The following NEGR1 variants were observed in gnomAD, a reference collection of about 807,000 sequenced individuals.
NEGR1 encodes IgLON family member 4.
NEGR1 carries 10 observed loss-of-function variants against 40.9 expected under a neutral mutation model. The ratio of observed to expected loss-of-function variants is 0.24; its 90% CI spans 0.15 to 0.42. NEGR1 has a LOEUF of 0.42. Ranked by LOEUF, NEGR1 falls within the 10% of genes least tolerant of loss-of-function variation. The pLI is 1.00. For missense variants in NEGR1, 352 were observed against 438.9 expected, an observed-to-expected ratio of 0.80 and a Z score of 1.77; for synonymous variants, 185 against 166.8, an observed-to-expected ratio of 1.11 and a Z score of -0.84.
At chr1:72,252,548 TTGA>T (rs1451955366) in intron 1 of NEGR1, among the ~76,000 whole-genome samples, 2 of 152,206 alleles carry the variant, frequency 1.3e-5, no homozygotes, top group African/African-American at 4.8e-5. Flanking sequence ...AACACAGTTG[TTGA>T]TATCTCTTCC....
At chr1:71,436,067 C>A (rs978427157) in intron 6 of NEGR1, among the ~76,000 whole-genome samples, 1 of 152,088 alleles carries the variant, frequency 6.6e-6, no homozygotes, top group Non-Finnish European at 1.5e-5. Flanking sequence ...AAGGATTTCA[C>A]CACTGAAGAT....
At chr1:71,438,280 T>A (rs1283940174) in intron 6 of NEGR1, among the ~76,000 whole-genome samples, 1 of 152,240 alleles carries the variant, frequency 6.6e-6, no homozygotes, top group East Asian at 1.9e-4. Flanking sequence ...AATTAATGGA[T>A]CTTATGTTTC....
chr1:71,679,257 T>A (rs1652748016), intron 4 of NEGR1, among the ~76,000 whole-genome samples: 1 of 152,116 alleles, frequency 6.6e-6, no homozygotes. Context: ...TAGAATCAGT[T>A]TTTAAAGTTC....
chr1:71,479,204 G>A (rs1646839561), intron 6 of NEGR1, among the ~76,000 whole-genome samples: 1 of 151,760 alleles, frequency 6.6e-6, no homozygotes, highest in South Asian at 2.1e-4. Flanking sequence ...TTATCCCAAG[G>A]GCTGATTAGC....
intron 2 of NEGR1, among the ~76,000 whole-genome samples, chr1:71,884,696 C>A (rs1054532662): frequency 2.0e-5 from 3 of 152,058 alleles, no homozygotes; most frequent in Admixed American, 2.0e-4. Context: ...TTTCATGAAT[C>A]AAGTACATGA....
At position 71,628,573 on chromosome 1, in the gene NEGR1, C is replaced by T. The variant is rs571192280; in HGVS notation, c.668-17427G>A. Among the ~76,000 whole-genome samples, 177 of 151,856 alleles carry T rather than the reference C, an allele frequency of 1.2e-3. 1 individual carries two copies. Among genetic ancestry groups the T allele is most frequent in the Middle Eastern group, 3.4e-3 (1 of 294 alleles). ...ATGCTATCCCTCCCCTAGCACCCCACCCCCTGACAGGCCCCGTCGTGTGAT... is the reference window on the plus strand; with the variant it reads ...ATGCTATCCCTCCCCTAGCACCCCATCCCCTGACAGGCCCCGTCGTGTGAT... On this transcript the variant is annotated intron_variant, in intron 4 of 6. Coordinates refer to ENST00000357731, the MANE Select transcript of NEGR1 (RefSeq NM_173808.3).
At chr1:71,996,623 C>G (rs1042353517) in intron 1 of NEGR1, among the ~76,000 whole-genome samples, 3 of 152,102 alleles carry the variant, frequency 2.0e-5, no homozygotes, top group Admixed American at 6.6e-5. Context: ...AAGGCTACTT[C>G]CTCAACATAT....
chr1:71,978,105 T>A (rs1445522593), intron 1 of NEGR1, among the ~76,000 whole-genome samples: 1 of 152,200 alleles, frequency 6.6e-6, no homozygotes, highest in Non-Finnish European at 1.5e-5. Flanking sequence ...GAGTCTTTTT[T>A]TTGTGAGCCC....
chr1:72,043,512 A>C (rs566036805), intron 1 of NEGR1, among the ~76,000 whole-genome samples: 2 of 151,892 alleles, frequency 1.3e-5, no homozygotes, highest in African/African-American at 2.4e-5. Flanking sequence ...TTTTAAAATG[A>C]CTTTAGAATG....
At chr1:72,261,780 CAT>C (rs1246805847) in intron 1 of NEGR1, among the ~76,000 whole-genome samples, 4 of 152,006 alleles carry the variant, frequency 2.6e-5, no homozygotes, top group Admixed American at 6.6e-5. Flanking sequence ...TTAAATACCA[CAT>C]GTTCTCACTT....
At chr1:71,711,509 G>T (rs1385321573) in intron 3 of NEGR1, among the ~76,000 whole-genome samples, 1 of 148,602 alleles carries the variant, frequency 6.7e-6, no homozygotes, top group Non-Finnish European at 1.5e-5. Context: ...GATTAGTGCT[G>T]TTAGGAAGCA....
At chr1:71,504,411 G>A (rs1647019122) in intron 6 of NEGR1, among the ~76,000 whole-genome samples, 1 of 152,052 alleles carries the variant, frequency 6.6e-6, no homozygotes, top group Non-Finnish European at 1.5e-5. Flanking sequence ...ACAAAGGAAT[G>A]ACAGATTTCA....
At chr1:71,570,954 G>A (rs1648791611) in intron 6 of NEGR1, 1 of 151,982 alleles carries the variant, frequency 6.6e-6, no homozygotes, top group South Asian at 2.1e-4. Context: ...TTGATACCAG[G>A]TATGTGAGCT....
At chr1:71,786,675 T>C (rs1157569319) in intron 2 of NEGR1, among the ~76,000 whole-genome samples, 2 of 152,100 alleles carry the variant, frequency 1.3e-5, no homozygotes, top group East Asian at 1.9e-4. Context: ...TCTGCTTTTG[T>C]GATAGTTGGT....
At chr1:71,899,685 C>T (rs954940993) in intron 2 of NEGR1, among the ~76,000 whole-genome samples, 2 of 152,070 alleles carry the variant, frequency 1.3e-5, no homozygotes, top group Non-Finnish European at 2.9e-5. Context: ...ATTACATTTG[C>T]AATTTCTTTA....
chr1:72,017,355 A>G (rs1569830476), intron 1 of NEGR1, among the ~76,000 whole-genome samples: 2 of 152,254 alleles, frequency 1.3e-5, no homozygotes, highest in East Asian at 3.9e-4. Flanking sequence ...TACTTTTGAC[A>G]TATTTGACAT....
chr1:72,093,105 G>A (rs1280379226), intron 1 of NEGR1, among the ~76,000 whole-genome samples: 1 of 152,022 alleles, frequency 6.6e-6, no homozygotes, highest in African/African-American at 2.4e-5. Flanking sequence ...TACCAAAGCA[G>A]GCAGATCACG....
chr1:72,183,418 T>G (rs527672762), intron 1 of NEGR1, among the ~76,000 whole-genome samples: 1 of 152,126 alleles, frequency 6.6e-6, no homozygotes, highest in Non-Finnish European at 1.5e-5. Flanking sequence ...AAGGTTTTCT[T>G]CAATCCTCCT....
chr1:72,030,048 A>G (rs1646843678), intron 1 of NEGR1, among the ~76,000 whole-genome samples: 2 of 151,918 alleles, frequency 1.3e-5, no homozygotes, highest in African/African-American at 4.8e-5. Flanking sequence ...AAAATCTTAC[A>G]GCTTTGCAAA....
Sources: gnomAD v4.1 joint callset for allele counts (sites outside exome capture counted in the v4.1 genomes callset) on GRCh38, gnomAD v4.1.1 for gene constraint, MANE v1.5 for transcripts, NCBI Gene and HGNC (gene_info 2026-07-23, HGNC 2026-07-21) for gene names.